The following CA10 variants were observed in gnomAD, a reference collection of about 807,000 sequenced individuals.
CA10 encodes the protein carbonic anhydrase 10 (inactive).
In CA10, 14 loss-of-function variants were observed where a neutral mutation model predicts 44.2. The observed-to-expected ratio is 0.32, with a 90% CI of 0.21 to 0.50. The LOEUF is 0.50. CA10 is among the 20% of genes least tolerant of loss of function. CA10 has a pLI of 0.99. For synonymous variants in CA10, 159 were observed against 141.6 expected, an observed-to-expected ratio of 1.12 and a Z score of -0.87; for missense variants, 350 against 409.7, an observed-to-expected ratio of 0.85 and a Z score of 1.26.
intron 2 of CA10, among the ~76,000 whole-genome samples, chr17:52,057,392 T>C (rs772130612): frequency 1.2e-4 from 19 of 152,120 alleles, no homozygotes; most frequent in Non-Finnish European, 2.2e-4. Flanking sequence ...TTCCACATAA[T>C]GAACAGTAAA....
chr17:52,112,315 G>T (rs1038537523), intron 1 of CA10, among the ~76,000 whole-genome samples: 11 of 152,116 alleles, frequency 7.2e-5, no homozygotes, highest in African/African-American at 2.7e-4. Flanking sequence ...CTGAGCTCTA[G>T]ATTAGAAGCC....
intron 3 of CA10, among the ~76,000 whole-genome samples, chr17:51,903,868 A>C (rs1981425972): frequency 2.0e-5 from 3 of 152,088 alleles, no homozygotes; most frequent in African/African-American, 7.2e-5. Flanking sequence ...CAAGGCCTTA[A>C]TTCTTTCTTG....
chr17:52,011,343 G>C (rs954232350), intron 2 of CA10, among the ~76,000 whole-genome samples: 11 of 151,978 alleles, frequency 7.2e-5, no homozygotes, highest in Admixed American at 2.0e-4. Context: ...TCAGGTAAAT[G>C]AAGTTTGTCC....
intron 3 of CA10, among the ~76,000 whole-genome samples, chr17:51,807,299 C>A (rs1024454069): frequency 6.6e-6 from 1 of 152,172 alleles, no homozygotes; most frequent in African/African-American, 2.4e-5. Flanking sequence ...CTGAGGCCCA[C>A]AGAAATGAAA....
At position 51,717,725 on chromosome 17, in the gene CA10, A is replaced by ATG. The variant is rs1916183687; in HGVS notation, c.465+29907_465+29908insCA. 2.4e-3 allele frequency among the ~76,000 whole-genome samples: 61 copies of ATG among 25,146 alleles called. 6 individuals are homozygous for ATG. Among genetic ancestry groups the ATG allele is most frequent in the African/African-American group, 5.5e-3 (53 of 9,688 alleles). 16.5% of individuals were successfully genotyped at this position (25,146 alleles called of 152,430 possible). On this transcript the variant is annotated intron_variant, in intron 4 of 8. Coordinates refer to ENST00000451037, the MANE Select transcript of CA10 (RefSeq NM_020178.5). ...TGTATATATACATATATACGTATAT[A>ATG]TACATATATACGTATATATACATGT...
intron 3 of CA10, among the ~76,000 whole-genome samples, chr17:51,779,453 G>A (rs564820971): frequency 2.0e-5 from 3 of 152,276 alleles, no homozygotes; most frequent in African/African-American, 4.8e-5. Flanking sequence ...ACAGGGTTAC[G>A]CTGGAAAATT....
At chr17:51,993,254 C>T (rs203038) in intron 2 of CA10, among the ~76,000 whole-genome samples, 76,579 of 151,872 alleles carry the variant, frequency 0.5, 20,302 homozygotes, top group African/African-American at 0.65. Context: ...TGAGTGAAGG[C>T]AGTTAATTGA....
At chr17:51,764,767 G>T (rs1415164548) in intron 3 of CA10, among the ~76,000 whole-genome samples, 1 of 152,176 alleles carries the variant, frequency 6.6e-6, no homozygotes, top group Non-Finnish European at 1.5e-5. Context: ...GCTTTCAAGT[G>T]GCTGCCTCAG....
intron 4 of CA10, among the ~76,000 whole-genome samples, chr17:51,731,180 C>A (rs535974292): frequency 1.3e-5 from 2 of 152,214 alleles, no homozygotes; most frequent in Non-Finnish European, 1.5e-5. Flanking sequence ...AGATGGAGAC[C>A]ATCGTGGCCA....
intron 3 of CA10, among the ~76,000 whole-genome samples, chr17:51,871,153 G>A (rs1007005721): frequency 6.7e-6 from 1 of 149,130 alleles, no homozygotes; most frequent in African/African-American, 2.5e-5. Context: ...CTGCTTCCTG[G>A]GTTCAAGCAA....
intron 2 of CA10, among the ~76,000 whole-genome samples, chr17:52,022,138 C>A (rs866499656): frequency 6.6e-6 from 1 of 151,976 alleles, no homozygotes; most frequent in Non-Finnish European, 1.5e-5. Context: ...TAAAGCCCAG[C>A]AAAGACATGA....
intron 4 of CA10, among the ~76,000 whole-genome samples, chr17:51,673,962 A>G (rs933090012): frequency 6.7e-5 from 6 of 88,890 alleles, no homozygotes; most frequent in African/African-American, 2.8e-4. Context: ...TCCTCCTAGA[A>G]TGTCCTTCCC....
intron 3 of CA10, among the ~76,000 whole-genome samples, chr17:51,890,717 TG>T (rs1234635133): frequency 6.6e-6 from 1 of 152,174 alleles, no homozygotes; most frequent in Non-Finnish European, 1.5e-5. Context: ...AAATATTTAT[TG>T]GGTCACTAGT....
At chr17:51,713,421 A>G (rs1916005156) in intron 4 of CA10, among the ~76,000 whole-genome samples, 1 of 152,230 alleles carries the variant, frequency 6.6e-6, no homozygotes, top group African/African-American at 2.4e-5. Flanking sequence ...AGCGGGGACA[A>G]CGGGAGGACT....
chr17:51,646,196 A>G (rs1165027896), intron 6 of CA10, among the ~76,000 whole-genome samples: 2 of 152,158 alleles, frequency 1.3e-5, no homozygotes, highest in African/African-American at 2.4e-5. Context: ...AAATGACTTC[A>G]CCTCTTGAAG....
chr17:51,691,420 G>A (rs1320738050), intron 4 of CA10, among the ~76,000 whole-genome samples: 2 of 152,096 alleles, frequency 1.3e-5, no homozygotes, highest in Non-Finnish European at 2.9e-5. Context: ...TAAATCAGGT[G>A]TTTTTACTAC....
At chr17:51,649,973 CCAGCCAGCCAGT>C (rs1913496930) in intron 5 of CA10, among the ~76,000 whole-genome samples, 2 of 107,172 alleles carry the variant, frequency 1.9e-5, no homozygotes. Flanking sequence ...ATCCATCCAT[CCAGCCAGCCAGT>C]CAGCCAGCCA....
intron 2 of CA10, among the ~76,000 whole-genome samples, chr17:52,057,359 T>C (rs1387543046): frequency 6.6e-6 from 1 of 152,106 alleles, no homozygotes; most frequent in Non-Finnish European, 1.5e-5. Context: ...AAGACAAGGA[T>C]GAAGATCTTT....
chr17:51,960,371 T>C (rs1669806721), intron 2 of CA10, among the ~76,000 whole-genome samples: 1 of 151,846 alleles, frequency 6.6e-6, no homozygotes, highest in Admixed American at 6.6e-5. Context: ...CTCAAATCTG[T>C]GGAAAGCCAT....
Sources: allele counts gnomAD v4.1 joint callset (sites outside exome capture counted in the v4.1 genomes callset), GRCh38; gene constraint gnomAD v4.1.1; transcripts MANE v1.5; gene names NCBI Gene and HGNC (gene_info 2026-07-23, HGNC 2026-07-21).